Variants in CUX1 observed in about 807,000 individuals in gnomAD.
CUX1 encodes the protein cut like homeobox 1.
Under a neutral mutation model 158.8 loss-of-function variants are expected in CUX1, and 31 were observed. The observed-to-expected ratio is 0.20, with a 90% CI of 0.15 to 0.26. The LOEUF is 0.26. Among genes scored for constraint, CUX1 ranks in the 10% least tolerant of loss-of-function variants. The pLI, the probability that CUX1 is intolerant of heterozygous loss-of-function variation, is 1.00. For missense variants in CUX1, 1,589 were observed against 2,014.6 expected (o/e 0.79, Z 4.04); for synonymous variants, 879 against 862.1 (o/e 1.02, Z -0.34).
chr7:102,135,931 G>A lies in CUX1; in HGVS notation c.674+20658G>A, dbSNP rs1406015703. 4.0e-5 allele frequency among the ~76,000 whole-genome samples: 6 copies of A among 151,290 alleles called. No individual in the cohort carries two copies. The East Asian group carries it at 5.8e-4, about 15-fold the overall frequency. ...GGAGGTCACAGTGAGCTGAGATCAC[G>A]CCACCACACACCAGCCTGGGAGACA... On this transcript the variant is annotated intron_variant, in intron 8 of 23. Transcript: ENST00000292535.
At chr7:101,817,621 C>G (rs1326332132), upstream of CUX1, 1 of 1,548,830 alleles carries the variant, frequency 6.5e-7, no homozygotes, top group South Asian at 1.2e-5. The surrounding 1 kb of genome is among the most constrained non-coding windows in gnomAD (Gnocchi z 4.1). Context: ...CGGGACAGCC[C>G]CGGGACTCTG....
In CUX1 at chr7:102,254,730, G is replaced by A. The variant is rs1231829907; in HGVS notation, c.*5688G>A. ...ATTAGGGAAGCCTTTGTGACCACAA[G>A]GGCAGGGCTTGTGCCCTGAGTGGCG... On this transcript the variant is annotated 3_prime_UTR_variant, in exon 24 of 24. Transcript: ENST00000292535. 7 of 985,390 alleles carry A rather than the reference G, an allele frequency of 7.1e-6. No homozygotes were observed. In the Admixed American group the frequency reaches 3.7e-4, roughly 52 times the overall value. The allele number at this position is 985,390 out of a possible 1,614,324, so 61.0% of individuals were successfully genotyped here.
chr7:101,916,111 A>G lies in CUX1; in HGVS notation c.31-4A>G. The G allele has an allele frequency of 6.2e-7, 1 of 1,606,060 alleles. No homozygotes were observed. The highest frequency in any genetic ancestry group is 8.5e-7 in the Non-Finnish European group (1 of 1,172,976). The stretch of plus-strand genomic sequence containing the variant: ...TCACTTTTCCTTTCCTGTTTCCCCA[A>G]CAGAGAGAACTCGATGCCACCGCAA... On this transcript the variant is annotated splice_region_variant and splice_polypyrimidine_tract_variant and intron_variant, in intron 1 of 23. Coordinates refer to ENST00000292535, the MANE Select transcript of CUX1 (RefSeq NM_181552.4). The surrounding 1 kb of genome is among the most constrained non-coding windows in gnomAD (Gnocchi z 4.4).
At chr7:102,115,936 G>A (rs531897565) in intron 8 of CUX1, among the ~76,000 whole-genome samples, 26 of 152,258 alleles carry the variant, frequency 1.7e-4, no homozygotes, top group South Asian at 6.2e-4. Context: ...CCAAACTCCC[G>A]GGGAGCAATG....
At chr7:101,906,541 G>A (rs1211892275) in intron 1 of CUX1, among the ~76,000 whole-genome samples, 1 of 151,942 alleles carries the variant, frequency 6.6e-6, no homozygotes, top group Non-Finnish European at 1.5e-5. Flanking sequence ...ATGGCCCCCA[G>A]GAAGCCACAG....
intron 2 of CUX1, among the ~76,000 whole-genome samples, chr7:101,958,139 G>A (rs1809992919): frequency 6.6e-6 from 1 of 152,196 alleles, no homozygotes; most frequent in Non-Finnish European, 1.5e-5. Flanking sequence ...CAGACTCCGT[G>A]TGAAGTGTGC....
chr7:101,998,474 G>A (rs371410086), intron 2 of CUX1, among the ~76,000 whole-genome samples: 31 of 152,324 alleles, frequency 2.0e-4, no homozygotes, highest in Non-Finnish European at 2.5e-4. Flanking sequence ...TTCCCAGCCC[G>A]GGCGGTGCCC....
At chr7:101,913,348 G>A (rs1026368316) in intron 1 of CUX1, 23 of 1,261,328 alleles carry the variant, frequency 1.8e-5, no homozygotes, top group South Asian at 1.6e-4. Flanking sequence ...CTGCGGGCAC[G>A]GGGAAGGGAG....
intron 23 of CUX1, among the ~76,000 whole-genome samples, chr7:102,240,881 C>T (rs941724564): frequency 6.6e-6 from 1 of 152,154 alleles, no homozygotes; most frequent in East Asian, 1.9e-4. Context: ...AGTGCAGTGG[C>T]ACGATCTCGG....
chr7:101,957,448 C>T (rs1426865504), intron 2 of CUX1, among the ~76,000 whole-genome samples: 4 of 152,102 alleles, frequency 2.6e-5, no homozygotes, highest in African/African-American at 7.2e-5. Flanking sequence ...AGGCAGGGAA[C>T]GGTGGCTCAC....
chr7:102,175,241 G>A (rs1206203821), intron 10 of CUX1, among the ~76,000 whole-genome samples: 1 of 152,180 alleles, frequency 6.6e-6, no homozygotes, highest in African/African-American at 2.4e-5. Context: ...CCTTTGACCT[G>A]TGTCACTGGA....
chr7:101,861,206 C>T (rs1005382242), intron 1 of CUX1, among the ~76,000 whole-genome samples: 1 of 152,170 alleles, frequency 6.6e-6, no homozygotes, highest in African/African-American at 2.4e-5. Flanking sequence ...GTCTGCTGGT[C>T]GCAGGAATTG....
At chr7:101,942,974 C>T (rs1807892408) in intron 2 of CUX1, among the ~76,000 whole-genome samples, 1 of 151,056 alleles carries the variant, frequency 6.6e-6, no homozygotes. Context: ...CTTCCTAGAA[C>T]AGCTGTGATT....
rs1455376471 is a variant in CUX1, at chr7:102,249,135, C to T, written c.*93C>T. ...GGCGCTGCGGACACCGTGGCCTGGG[C>T]TTGGCCCGCGGCCTGCACCGACCCC... On this transcript the variant is annotated 3_prime_UTR_variant, in exon 24 of 24. Transcript: ENST00000292535. The T allele has an allele frequency of 3.9e-5, 45 of 1,167,742 alleles. No homozygotes were observed. Among genetic ancestry groups the T allele is most frequent in the Non-Finnish European group, 4.5e-5 (43 of 946,034 alleles). 72.3% of individuals were successfully genotyped at this position (1,167,742 alleles called of 1,614,324 possible).
Position 102,227,575 on chromosome 7 carries a change from C to T in CUX1, c.3339C>T (p.Ala1113=). 3.1e-6 allele frequency: 5 copies of T among 1,614,148 alleles called. No homozygotes were observed. The highest frequency in any genetic ancestry group is 4.2e-6 in the Non-Finnish European group (5 of 1,180,044). The part of the protein sequence containing the change: ...TTPLPLSGHS[A]LSIQELVAMS... ...CGCTGCCTCTCTCCGGACACTCGGCCCTCAGCATCCAAGAATTAGTAGCCA... is the reference window on the plus strand; with the variant it reads ...CGCTGCCTCTCTCCGGACACTCGGCTCTCAGCATCCAAGAATTAGTAGCCA... The change falls in exon 21 of 24, where the codon GCC becomes GCT. Residue 1113 remains alanine (A), a synonymous_variant. Coordinates refer to ENST00000292535, the MANE Select transcript of CUX1 (RefSeq NM_181552.4).
At chr7:102,207,402 C>T (rs1392453417) in intron 20 of CUX1, among the ~76,000 whole-genome samples, 1 of 151,976 alleles carries the variant, frequency 6.6e-6, no homozygotes, top group Non-Finnish European at 1.5e-5. Context: ...AAGCAAAAAT[C>T]GTGGTGACTA....
chr7:101,869,250 G>T lies in CUX1; in HGVS notation c.31-46865G>T, dbSNP rs1020534094. Among the ~76,000 whole-genome samples, 19 of 152,160 alleles carry T rather than the reference G, an allele frequency of 1.2e-4. No individual in the cohort carries two copies. Among genetic ancestry groups the T allele is most frequent in the African/African-American group, 2.4e-4 (10 of 41,430 alleles). On this transcript the variant is annotated intron_variant, in intron 1 of 23. Coordinates refer to ENST00000292535, the MANE Select transcript of CUX1 (RefSeq NM_181552.4). The surrounding 1 kb of genome is among the most constrained non-coding windows in gnomAD (Gnocchi z 4.5). ...GGGCTGTGTCAGAGCCCCGGCTGGCGAGAGGAGCATCACTGTGTCCAGAGG... is the reference window on the plus strand; with the variant it reads ...GGGCTGTGTCAGAGCCCCGGCTGGCTAGAGGAGCATCACTGTGTCCAGAGG...
intron 1 of CUX1, among the ~76,000 whole-genome samples, chr7:101,867,651 C>T (rs367899212): frequency 1.3e-5 from 2 of 152,172 alleles, no homozygotes; most frequent in East Asian, 1.9e-4. Flanking sequence ...CTCCGTCACA[C>T]GCATTCTGGA....
intron 2 of CUX1, among the ~76,000 whole-genome samples, chr7:102,020,904 A>G (rs2129318957): frequency 6.6e-6 from 1 of 151,412 alleles, no homozygotes; most frequent in African/African-American, 2.4e-5. Flanking sequence ...AAAAGAAATT[A>G]CAAAGTGAGC....
Sources: gnomAD v4.1 joint callset for allele counts (sites outside exome capture counted in the v4.1 genomes callset) on GRCh38, gnomAD v4.1.1 for gene constraint, Gnocchi (gnomAD v3.1) non-coding constraint, MANE v1.5 for transcripts, NCBI Gene and HGNC (gene_info 2026-07-23, HGNC 2026-07-21) for gene names.